The following MTHFD2L variants were observed in gnomAD, a reference collection of about 807,000 sequenced individuals.
MTHFD2L encodes the protein bifunctional methylenetetrahydrofolate dehydrogenase/cyclohydrolase 2, mitochondrial.
Under a neutral mutation model 34.9 loss-of-function variants are expected in MTHFD2L, and 29 were observed. The ratio of observed to expected loss-of-function variants is 0.83; its 90% CI spans 0.62 to 1.13. The LOEUF is 1.13. MTHFD2L is among the 50% of genes most tolerant of loss of function. The pLI, the probability that MTHFD2L is intolerant of heterozygous loss-of-function variation, is 0.00. For missense variants in MTHFD2L, 481 were observed against 446.5 expected (o/e 1.08, Z -0.70); for synonymous variants, 167 against 155.7 (o/e 1.07, Z -0.54).
intron 6 of MTHFD2L, among the ~76,000 whole-genome samples, chr4:74,229,043 A>G (rs1489177031): frequency 6.6e-6 from 1 of 152,228 alleles, no homozygotes; most frequent in Non-Finnish European, 1.5e-5. Flanking sequence ...CTCTTACTAA[A>G]TACAAAAGTA....
chr4:74,223,419 G>C (rs941054065), intron 5 of MTHFD2L, among the ~76,000 whole-genome samples: 5 of 151,974 alleles, frequency 3.3e-5, no homozygotes, highest in African/African-American at 1.2e-4. Flanking sequence ...TAAATGATGA[G>C]GGCAAATGGA....
chr4:74,206,386 G>A (rs1170435263), intron 5 of MTHFD2L, among the ~76,000 whole-genome samples: 1 of 152,092 alleles, frequency 6.6e-6, no homozygotes, highest in African/African-American at 2.4e-5. Context: ...GTAATCTCTG[G>A]AATTTTGTGG....
intron 1 of MTHFD2L, chr4:74,143,409 A>C: frequency 1.0e-6 from 1 of 985,390 alleles, no homozygotes; most frequent in Non-Finnish European, 1.2e-6. Flanking sequence ...GCAGCATGGA[A>C]ACACGGATTT....
intron 2 of MTHFD2L, among the ~76,000 whole-genome samples, chr4:74,115,853 G>A (rs567993443): frequency 2.6e-5 from 4 of 152,236 alleles, no homozygotes; most frequent in South Asian, 4.1e-4. Context: ...ACCGTTTGTC[G>A]TGCTACTACA....
At chr4:74,255,130 C>T (rs112613824) in intron 6 of MTHFD2L, among the ~76,000 whole-genome samples, 1 of 90,812 alleles carries the variant, frequency 1.1e-5, no homozygotes, top group African/African-American at 5.1e-5. Context: ...AGCGAGACTC[C>T]ATCTCCAAAA....
chr4:74,264,680 A>C (rs1745077419), intron 6 of MTHFD2L, among the ~76,000 whole-genome samples: 1 of 152,022 alleles, frequency 6.6e-6, no homozygotes, highest in African/African-American at 2.4e-5. Flanking sequence ...CAATTGTTTT[A>C]ATATTTTTAA....
chr4:74,294,182 A>G (rs1749347772), intron 7 of MTHFD2L, among the ~76,000 whole-genome samples: 1 of 152,176 alleles, frequency 6.6e-6, no homozygotes. Context: ...ATAAATTTAT[A>G]GAGAACAAAT....
chr4:74,271,537 T>G lies in MTHFD2L; in HGVS notation c.806-9888T>G, dbSNP rs575824121. 6.0e-3 allele frequency among the ~76,000 whole-genome samples: 919 copies of G among 152,350 alleles called. 9 individuals are homozygous for G. Among genetic ancestry groups the G allele is most frequent in the African/African-American group, 0.021 (862 of 41,584 alleles). On this transcript the variant is annotated intron_variant, in intron 6 of 7. Coordinates refer to ENST00000325278, the MANE Select transcript of MTHFD2L (RefSeq NM_001144978.3). ...TCTGTTCCATTGGTCTATATCTCTA[T>G]TTTGGTACCAGTACCATGCTGTTTT... is the stretch of plus-strand genomic sequence containing the variant.
chr4:74,220,573 T>C (rs1390733428), intron 5 of MTHFD2L, among the ~76,000 whole-genome samples: 1 of 151,932 alleles, frequency 6.6e-6, no homozygotes, highest in Non-Finnish European at 1.5e-5. Flanking sequence ...ATAGTTTATC[T>C]TTCTAGTTTC....
At chr4:74,301,141 A>G (rs1292007254) in intron 7 of MTHFD2L, among the ~76,000 whole-genome samples, 1 of 152,036 alleles carries the variant, frequency 6.6e-6, no homozygotes, top group Non-Finnish European at 1.5e-5. Flanking sequence ...CAAGCTGGGG[A>G]CCATCTGTAT....
intron 1 of MTHFD2L, among the ~76,000 whole-genome samples, chr4:74,148,056 GGGT>G (rs1578256823): frequency 6.6e-6 from 1 of 152,004 alleles, no homozygotes; most frequent in East Asian, 1.9e-4. Flanking sequence ...TATGGCATAA[GGGT>G]CCAACTTCGT....
chr4:74,158,314 G>A (rs1424806052), intron 1 of MTHFD2L, 33 bp downstream of exon 1: 4 of 1,240,498 alleles, frequency 3.2e-6, no homozygotes, highest in Admixed American at 4.3e-5. Context: ...GTGCGGAGCC[G>A]CTGGCGGTGG....
At chr4:74,294,194 T>C (rs1046061145) in intron 7 of MTHFD2L, among the ~76,000 whole-genome samples, 10 of 152,166 alleles carry the variant, frequency 6.6e-5, no homozygotes, top group Admixed American at 6.6e-4. Context: ...AGAACAAATA[T>C]ATTCTTTAAC....
intron 7 of MTHFD2L, among the ~76,000 whole-genome samples, chr4:74,296,574 C>G (rs1176439760): frequency 6.6e-6 from 1 of 152,086 alleles, no homozygotes; most frequent in African/African-American, 2.4e-5. Context: ...TGCCTGGGAA[C>G]CTGAGGCCAT....
intron 7 of MTHFD2L, among the ~76,000 whole-genome samples, chr4:74,297,855 G>A (rs1487697434): frequency 3.3e-5 from 5 of 152,070 alleles, no homozygotes; most frequent in Non-Finnish European, 7.4e-5. Flanking sequence ...AAATAGTTAT[G>A]CAAAATCATT....
chr4:74,121,836 T>C (rs529496998), upstream of MTHFD2L, among the ~76,000 whole-genome samples: 3 of 151,764 alleles, frequency 2.0e-5, no homozygotes, highest in African/African-American at 7.2e-5. Context: ...CACAGAAAAA[T>C]AGTCTTCTAT....
intron 7 of MTHFD2L, among the ~76,000 whole-genome samples, chr4:74,296,251 A>G (rs371777728): frequency 6.6e-6 from 1 of 152,188 alleles, no homozygotes; most frequent in Admixed American, 6.6e-5. Context: ...AGAGACAATG[A>G]AGATCCATCA....
At chr4:74,158,072 C>T, upstream of MTHFD2L, 6 of 1,530,584 alleles carry the variant, frequency 3.9e-6, no homozygotes, top group Middle Eastern at 1.7e-4. Context: ...CGGAGCCAGG[C>T]CTCCAGCCGC....
At chr4:74,177,689 A>G (rs1729308218) in intron 3 of MTHFD2L, among the ~76,000 whole-genome samples, 1 of 151,918 alleles carries the variant, frequency 6.6e-6, no homozygotes, top group South Asian at 2.1e-4. Flanking sequence ...AAACAGCATG[A>G]CAGTTCCTCA....
Sources: allele counts gnomAD v4.1 joint callset (sites outside exome capture counted in the v4.1 genomes callset), GRCh38; gene constraint gnomAD v4.1.1; transcripts MANE v1.5; gene names NCBI Gene and HGNC (gene_info 2026-07-23, HGNC 2026-07-21).